Variants in SYT13 observed in about 807,000 individuals in gnomAD.
SYT13 encodes the protein synaptotagmin-13.
In SYT13, 21 loss-of-function variants were observed where a neutral mutation model predicts 38.6. The observed-to-expected ratio is 0.54, with a 90% CI of 0.39 to 0.78. The LOEUF (loss-of-function observed/expected upper bound fraction) is 0.78, where lower values mean the gene tolerates loss of function less well. SYT13 is among the 30% of genes least tolerant of loss of function. The probability of loss-of-function intolerance (pLI) is 0.00; values close to 1 mark genes in which losing one functional copy is unlikely to be tolerated. For missense variants in SYT13, 495 were observed against 548.7 expected (o/e 0.90, Z 0.98); for synonymous variants, 241 against 237.6 (o/e 1.01, Z -0.13).
chr11:45,270,293 C>G (rs1048915598), intron 1 of SYT13, among the ~76,000 whole-genome samples: 1 of 152,144 alleles, frequency 6.6e-6, no homozygotes, highest in African/African-American at 2.4e-5. Flanking sequence ...CATTTGAATC[C>G]TTTAGACTTT....
intron 1 of SYT13, among the ~76,000 whole-genome samples, chr11:45,271,379 G>A (rs1265940966): frequency 6.6e-6 from 1 of 152,152 alleles, no homozygotes; most frequent in African/African-American, 2.4e-5. Flanking sequence ...CTTCCTGGAC[G>A]AGGGGCTTCA....
Position 45,286,034 on chromosome 11 carries a change from A to C in SYT13, c.174T>G (p.Ser58=). 1.9e-6 allele frequency: 3 copies of C among 1,607,998 alleles called. No individual in the cohort carries two copies. Among genetic ancestry groups the C allele is most frequent in the Middle Eastern group, 1.6e-4 (1 of 6,062 alleles). ...LEKAKPSLLG[S]AQQFNVKKST... Reference sequence around the variant, plus strand: ...CGCCGCCCCCGCTCACCTGTTGTGCAGACCCGAGCAAGCTGGGCTTCGCCT... The same window carrying C: ...CGCCGCCCCCGCTCACCTGTTGTGCCGACCCGAGCAAGCTGGGCTTCGCCT... The change falls in exon 1 of 6, where the codon TCT becomes TCG. Residue 58 remains serine, a synonymous_variant. Transcript: ENST00000020926.
intron 1 of SYT13, among the ~76,000 whole-genome samples, chr11:45,265,813 A>C (rs961312886): frequency 1.6e-4 from 24 of 152,142 alleles, no homozygotes; most frequent in African/African-American, 5.8e-4. Flanking sequence ...ACAACAAAGA[A>C]TTATCAACCC....
chr11:45,271,841 A>G (rs1233605931), intron 1 of SYT13, among the ~76,000 whole-genome samples: 1 of 152,184 alleles, frequency 6.6e-6, no homozygotes, highest in African/African-American at 2.4e-5. Flanking sequence ...CAAGAAAAAT[A>G]CACTTCAACT....
At chr11:45,254,479 T>C (rs1360701810) in intron 2 of SYT13, 75 bp from the exon 3 acceptor site, 8 of 1,542,722 alleles carry the variant, frequency 5.2e-6, no homozygotes, top group Middle Eastern at 3.5e-4. Context: ...TTCTCATCTC[T>C]ATCACCTATG....
At chr11:45,272,983 T>A (rs946370677) in intron 1 of SYT13, among the ~76,000 whole-genome samples, 1 of 152,234 alleles carries the variant, frequency 6.6e-6, no homozygotes, top group African/African-American at 2.4e-5. Flanking sequence ...AGACTCTTCC[T>A]TTATTATTAT....
intron 1 of SYT13, among the ~76,000 whole-genome samples, chr11:45,278,733 G>C (rs1049633373): frequency 5.3e-5 from 8 of 152,320 alleles, no homozygotes; most frequent in African/African-American, 1.9e-4. Context: ...GGGAGGAAGG[G>C]AGATGGGACA....
chr11:45,251,628 C>A lies in SYT13; in HGVS notation c.846+793G>T, dbSNP rs190130467. ...CTTAGATGAGCTTTGACCCAGGGGC[C>A]TAAGTAACTACATACCATCTTGTAG... On this transcript the variant is annotated intron_variant, in intron 4 of 5. Transcript: ENST00000020926. Among the ~76,000 whole-genome samples the A allele has an allele frequency of 3.0e-3, 452 of 152,210 alleles. 2 individuals carry two copies. Among genetic ancestry groups the A allele is most frequent in the African/African-American group, 0.011 (439 of 41,524 alleles).
At position 45,240,583 on chromosome 11, in the gene SYT13, G is replaced by A. The variant is rs573042610; in HGVS notation, c.*3469C>T. The A allele has an allele frequency of 2.0e-5, 3 of 152,310 alleles. No individual in the cohort carries two copies. The South Asian group carries it at 6.2e-4, about 32-fold the overall frequency. The allele number at this position is 152,310 out of a possible 1,614,324, so 9.4% of individuals were successfully genotyped here. A position where few individuals can be genotyped will look rare whatever the true frequency, so the allele number is the denominator to read the frequency against. On this transcript the variant is annotated 3_prime_UTR_variant, in exon 6 of 6. Coordinates refer to ENST00000020926, the MANE Select transcript of SYT13 (RefSeq NM_020826.3). ...TGATTCTCTGTGCCCAGCTTTGTTT[G>A]GAGTGATTTGTCATTCAACCCACAC...
At chr11:45,274,567 C>G (rs751995) in intron 1 of SYT13, among the ~76,000 whole-genome samples, 61,089 of 152,068 alleles carry the variant, frequency 0.4, 14,628 homozygotes, top group Non-Finnish European at 0.54. Flanking sequence ...TAAGATGCTC[C>G]GCGATATGCT....
In SYT13 at chr11:45,286,012, C is replaced by T. The variant is rs751778924; in HGVS notation, c.183+13G>A. ...CCTTGCCCGGGAAGGGCCTGCGCGCCGCCCCCGCTCACCTGTTGTGCAGAC... is the reference window on the plus strand; with the variant it reads ...CCTTGCCCGGGAAGGGCCTGCGCGCTGCCCCCGCTCACCTGTTGTGCAGAC... On this transcript the variant is annotated intron_variant, in intron 1 of 5. Coordinates refer to ENST00000020926, the MANE Select transcript of SYT13 (RefSeq NM_020826.3). The T allele has an allele frequency of 1.4e-5, 23 of 1,601,792 alleles. No homozygotes were observed. The highest frequency in any genetic ancestry group is 4.5e-5 in the South Asian group (4 of 89,616).
intron 1 of SYT13, among the ~76,000 whole-genome samples, chr11:45,267,500 G>A (rs1854898664): frequency 6.6e-6 from 1 of 152,172 alleles, no homozygotes. Context: ...GGTTCTAGGT[G>A]GAGCCTAAGG....
Position 45,286,056 on chromosome 11 carries a change from G to A in SYT13, c.152C>T (p.Ala51Val), listed in dbSNP as rs779927544. The stretch of plus-strand genomic sequence containing the variant: ...TGCAGACCCGAGCAAGCTGGGCTTC[G>A]CCTTCTCCAGGTCGGGGTCCTGGTC... ...PRDQDPDLEKAKPSLLGSAQQ... is the reference protein window; with the variant it reads ...PRDQDPDLEKVKPSLLGSAQQ... The change falls in exon 1 of 6, where the codon GCG (alanine) becomes GTG (valine). Residue 51 changes from alanine to valine, a missense_variant. Coordinates refer to ENST00000020926, the MANE Select transcript of SYT13 (RefSeq NM_020826.3). The A allele has an allele frequency of 2.2e-5, 35 of 1,609,194 alleles. No individual in the cohort carries two copies. The highest frequency in any genetic ancestry group is 2.7e-5 in the Non-Finnish European group (32 of 1,179,564).
At chr11:45,247,853 T>C (rs976965708) in intron 4 of SYT13, among the ~76,000 whole-genome samples, 4 of 152,214 alleles carry the variant, frequency 2.6e-5, no homozygotes, top group Admixed American at 2.6e-4. Flanking sequence ...ATTAAATATA[T>C]AACATCGGGC....
In SYT13 at chr11:45,243,964, G is replaced by A. The variant is rs1217783814; in HGVS notation, c.*88C>T. On this transcript the variant is annotated 3_prime_UTR_variant, in exon 6 of 6. Coordinates refer to ENST00000020926, the MANE Select transcript of SYT13 (RefSeq NM_020826.3). Reference sequence around the variant, plus strand: ...GCAAACACATCTGTCACTGTCTTCTGGGTGTCAGAATGAGGAAAGGGGCAC... The same window carrying A: ...GCAAACACATCTGTCACTGTCTTCTAGGTGTCAGAATGAGGAAAGGGGCAC... 9 of 1,351,772 alleles carry A rather than the reference G, an allele frequency of 6.7e-6. No individual in the cohort carries two copies. Among genetic ancestry groups the A allele is most frequent in the Non-Finnish European group, 9.1e-6 (9 of 992,864 alleles). 83.7% of individuals were successfully genotyped at this position (1,351,772 alleles called of 1,614,324 possible).
At position 45,263,525 on chromosome 11, in the gene SYT13, C is replaced by T. The variant is rs184432647; in HGVS notation, c.184-7634G>A. ...GTCATCTTTGCTCCTTAAACTTGAA[C>T]TTTAAAAAAGGGGAGGGCAGAGAAG... On this transcript the variant is annotated intron_variant, in intron 1 of 5. Coordinates refer to ENST00000020926, the MANE Select transcript of SYT13 (RefSeq NM_020826.3). Among the ~76,000 whole-genome samples, 3 of 152,220 alleles carry T rather than the reference C, an allele frequency of 2.0e-5. No individual in the cohort carries two copies. In the East Asian group the frequency reaches 5.8e-4, roughly 29 times the overall value.
At chr11:45,283,266 A>G (rs1855095488) in intron 1 of SYT13, among the ~76,000 whole-genome samples, 1 of 152,230 alleles carries the variant, frequency 6.6e-6, no homozygotes, top group South Asian at 2.1e-4. Context: ...CTCCAAACCC[A>G]AAGAATTTTT....
rs149737973 is a variant in SYT13 at position 45,252,661 on chromosome 11, C to T, written c.606G>A (p.Arg202=). 1 of 1,611,320 alleles carries T rather than the reference C, an allele frequency of 6.2e-7. No individual in the cohort carries two copies. Among genetic ancestry groups the T allele is most frequent in the Middle Eastern group, 1.7e-4 (1 of 6,052 alleles). Residue 202 remains arginine (R), a synonymous_variant, in exon 4 of 6, where the codon AGG becomes AGA. Coordinates refer to ENST00000020926, the MANE Select transcript of SYT13 (RefSeq NM_020826.3). This position sits in a 1 kb window ranked among gnomAD's most constrained non-coding sequence, Gnocchi z 4.3. ...DCYVQGSVAN[R]TGSVEAQTAL... Reference sequence around the variant, plus strand: ...CTGTCTGAGCCTCCACAGAGCCGGTCCTATTGGCCACACTCCCTTGGACGT... The same window carrying T: ...CTGTCTGAGCCTCCACAGAGCCGGTTCTATTGGCCACACTCCCTTGGACGT...
chr11:45,281,997 T>C (rs956307739), intron 1 of SYT13, among the ~76,000 whole-genome samples: 1 of 152,158 alleles, frequency 6.6e-6, no homozygotes, highest in Non-Finnish European at 1.5e-5. Context: ...GGACTTTCTA[T>C]GAAAGGTCCC....
Sources: allele counts gnomAD v4.1 joint callset (sites outside exome capture counted in the v4.1 genomes callset), GRCh38; gene constraint gnomAD v4.1.1; non-coding constraint Gnocchi (gnomAD v3.1); transcripts MANE v1.5; gene names NCBI Gene and HGNC (gene_info 2026-07-23, HGNC 2026-07-21).